DGUOK: variants seen among roughly 807,000 people sequenced by gnomAD.
DGUOK encodes the protein deoxyguanosine kinase.
DGUOK carries 30 observed loss-of-function variants against 36.6 expected under a neutral mutation model. The observed-to-expected ratio is 0.82, with a 90% CI of 0.61 to 1.11. DGUOK has a LOEUF of 1.11. Ranked by LOEUF, DGUOK falls within the 50% of genes most tolerant of loss-of-function variation. DGUOK has a pLI of 0.00. For missense variants in DGUOK, 361 were observed against 336.4 expected (o/e 1.07, Z -0.57); for synonymous variants, 145 against 126.3 (o/e 1.15, Z -0.99).
chr2:73,928,596 A>G (rs1680784484), intron 1 of DGUOK, among the ~76,000 whole-genome samples: 1 of 152,186 alleles, frequency 6.6e-6, no homozygotes, highest in Middle Eastern at 3.2e-3. Context: ...TTCGGGGAAT[A>G]GGAGGGAAAT....
intron 4 of DGUOK, among the ~76,000 whole-genome samples, chr2:73,955,623 C>T (rs1006858832): frequency 1.2e-4 from 19 of 152,064 alleles, no homozygotes; most frequent in Non-Finnish European, 2.6e-4. Flanking sequence ...GCCTGTAATC[C>T]CAGCATTTTG....
At chr2:73,958,304 C>T (rs1222816999) in intron 6 of DGUOK, 59 bp downstream of exon 6, 4 of 1,384,794 alleles carry the variant, frequency 2.9e-6, no homozygotes, top group Non-Finnish European at 4.1e-6. Context: ...TTTTATCTTT[C>T]TGGCCTTTGC....
intron 2 of DGUOK, among the ~76,000 whole-genome samples, chr2:73,939,771 C>T (rs1211304331): frequency 6.6e-6 from 1 of 152,210 alleles, no homozygotes; most frequent in African/African-American, 2.4e-5. Flanking sequence ...TTTTAATGAG[C>T]CATGTTGCAC....
At chr2:73,927,131 A>T in intron 1 of DGUOK, 79 bp downstream of exon 1, 3 of 1,587,478 alleles carry the variant, frequency 1.9e-6, no homozygotes, top group Non-Finnish European at 2.6e-6. Flanking sequence ...CTGGGCCCGG[A>T]ATGGCCTGCG....
At chr2:73,938,803 T>C (rs1016518576) in intron 1 of DGUOK, 107 bp from the exon 2 acceptor site, 1 of 793,612 alleles carries the variant, frequency 1.3e-6, no homozygotes, top group Admixed American at 1.7e-5. Flanking sequence ...TTCAGAAAAC[T>C]AATACTTGTT....
intron 6 of DGUOK, 124 bp from the exon 7 acceptor site, chr2:73,958,586 A>G (rs1683306533): frequency 1.2e-6 from 1 of 812,780 alleles, no homozygotes; most frequent in East Asian, 2.6e-5. Flanking sequence ...TTTCTTCTCC[A>G]TGCCTATTAT....
intron 4 of DGUOK, 55 bp from the exon 5 acceptor site, chr2:73,957,070 A>G (rs1683155343): frequency 2.1e-5 from 28 of 1,314,574 alleles, no homozygotes; most frequent in Non-Finnish European, 3.0e-5. Flanking sequence ...CGAAGACTGC[A>G]TTGTAGCAGC....
At chr2:73,933,684 T>C (rs1408192827) in intron 1 of DGUOK, among the ~76,000 whole-genome samples, 1 of 152,168 alleles carries the variant, frequency 6.6e-6, no homozygotes, top group Non-Finnish European at 1.5e-5. Flanking sequence ...TTAAGCCTGC[T>C]GACTGATTTT....
In DGUOK at chr2:73,946,980, C is replaced by T; in HGVS notation, c.443+74C>T. On this transcript the variant is annotated intron_variant, in intron 3 of 6. Transcript: ENST00000264093. ...CCTGTTTGATCTTGCACAGATCCTG[C>T]ACTGCTATGGTCACTGATGATTATA... The T allele has an allele frequency of 3.9e-6, 5 of 1,283,692 alleles. No individual in the cohort carries two copies. The South Asian group carries it at 6.3e-5, about 16-fold the overall frequency. 79.5% of individuals were successfully genotyped at this position (1,283,692 alleles called of 1,614,324 possible).
At chr2:73,945,873 A>G (rs1272300059) in intron 2 of DGUOK, among the ~76,000 whole-genome samples, 1 of 152,130 alleles carries the variant, frequency 6.6e-6, no homozygotes, top group Non-Finnish European at 1.5e-5. Flanking sequence ...AAATACAAAA[A>G]TTAGCTTGTC....
chr2:73,938,829 G>T, intron 1 of DGUOK, 81 bp from the exon 2 acceptor site: 1 of 939,394 alleles, frequency 1.1e-6, no homozygotes, highest in South Asian at 1.3e-5. Flanking sequence ...GAGTTTGGGC[G>T]TTTGTGGCAG....
intron 4 of DGUOK, among the ~76,000 whole-genome samples, chr2:73,952,626 A>T (rs1682777586): frequency 2.0e-5 from 3 of 152,198 alleles, no homozygotes; most frequent in South Asian, 4.1e-4. Context: ...GAGCATTAGG[A>T]GAAGTGAGAA....
chr2:73,956,984 A>T, intron 4 of DGUOK, 141 bp from the exon 5 acceptor site: 2 of 566,454 alleles, frequency 3.5e-6, no homozygotes, highest in South Asian at 4.4e-5. Flanking sequence ...TGATTGCATA[A>T]GAAAACAAGA....
chr2:73,946,567 T>A, intron 2 of DGUOK, 152 bp from the exon 3 acceptor site: 1 of 744,306 alleles, frequency 1.3e-6, no homozygotes, highest in East Asian at 2.7e-5. Flanking sequence ...GGGATCTGAT[T>A]CTACCTTTTT....
intron 1 of DGUOK, among the ~76,000 whole-genome samples, chr2:73,936,164 A>C (rs2104893437): frequency 6.6e-6 from 1 of 152,382 alleles, no homozygotes; most frequent in South Asian, 2.1e-4. Flanking sequence ...TACAATCTAA[A>C]TATTGACCAT....
At chr2:73,958,326 A>G (rs938800036) in intron 6 of DGUOK, 81 bp downstream of exon 6, 3 of 1,061,680 alleles carry the variant, frequency 2.8e-6, no homozygotes, top group Middle Eastern at 2.0e-4. Context: ...TCAAAGTTCA[A>G]TATCATGGGT....
chr2:73,939,214 G>A (rs954947159), intron 2 of DGUOK, among the ~76,000 whole-genome samples, 192 bp downstream of exon 2: 1 of 152,104 alleles, frequency 6.6e-6, no homozygotes, highest in Non-Finnish European at 1.5e-5. Flanking sequence ...TGATTTTTGT[G>A]GTTTTTATAT....
intron 1 of DGUOK, among the ~76,000 whole-genome samples, chr2:73,936,454 G>A (rs1681472157): frequency 6.6e-6 from 1 of 152,218 alleles, no homozygotes; most frequent in Non-Finnish European, 1.5e-5. Flanking sequence ...AGATGAGCGT[G>A]ACTGTACAAA....
chr2:73,953,597 T>A (rs1682856964), intron 4 of DGUOK, among the ~76,000 whole-genome samples: 1 of 152,052 alleles, frequency 6.6e-6, no homozygotes, highest in Non-Finnish European at 1.5e-5. Context: ...CCTGTCACTA[T>A]GTAAAAAGCT....
Sources: allele counts gnomAD v4.1 joint callset (sites outside exome capture counted in the v4.1 genomes callset), GRCh38; gene constraint gnomAD v4.1.1; transcripts MANE v1.5; gene names NCBI Gene and HGNC (gene_info 2026-07-23, HGNC 2026-07-21).